Variants in CSMD3 observed in about 807,000 individuals in gnomAD.
CSMD3 encodes CUB and Sushi multiple domains 3.
CSMD3 carries 177 observed loss-of-function variants against 435.2 expected under a neutral mutation model. The observed-to-expected ratio is 0.41, with a 90% CI of 0.36 to 0.46. The LOEUF (loss-of-function observed/expected upper bound fraction) is 0.46, where lower values mean the gene tolerates loss of function less well. CSMD3 is among the 20% of genes least tolerant of loss of function. The probability of loss-of-function intolerance (pLI) is 0.34; values close to 1 mark genes in which losing one functional copy is unlikely to be tolerated. For synonymous variants in CSMD3, 1,656 were observed against 1,520.5 expected (o/e 1.09, Z -2.07); for missense variants, 4,265 against 4,504.6 (o/e 0.95, Z 1.52).
chr8:113,314,004 T>G (rs999392802), intron 2 of CSMD3: 1 of 152,134 alleles, frequency 6.6e-6, no homozygotes, highest in Admixed American at 6.5e-5. Context: ...TAGTTAATTT[T>G]TACATCTGTT....
At position 113,119,479 on chromosome 8, in the gene CSMD3, C is replaced by T. The variant is rs574693695; in HGVS notation, c.710-20516G>A. ...AGCCATCTAAGAGAATAGCCTTAAT[C>T]GGTGAACACACTGCAGTTTGAGATG... On this transcript the variant is annotated intron_variant, in intron 4 of 70. Coordinates refer to ENST00000297405, the MANE Select transcript of CSMD3 (RefSeq NM_198123.2). Among the ~76,000 whole-genome samples the T allele has an allele frequency of 7.2e-5, 11 of 152,118 alleles. No homozygotes were observed. In the East Asian group the frequency reaches 1.6e-3, roughly 21 times the overall value.
chr8:113,018,794 G>C (rs941206964), intron 6 of CSMD3: 1 of 419,820 alleles, frequency 2.4e-6, no homozygotes, highest in Admixed American at 3.9e-5. Context: ...AATTGCTGAA[G>C]CACTTTATTA....
chr8:112,460,341 A>G (rs1308569418), intron 32 of CSMD3, among the ~76,000 whole-genome samples: 1 of 152,002 alleles, frequency 6.6e-6, no homozygotes, highest in Non-Finnish European at 1.5e-5. Context: ...ACATTTCTAC[A>G]AATTTAGAGA....
At chr8:112,516,871 A>G (rs550959502) in intron 28 of CSMD3, among the ~76,000 whole-genome samples, 163 bp downstream of exon 28, 8 of 152,320 alleles carry the variant, frequency 5.3e-5, no homozygotes, top group African/African-American at 1.9e-4. Context: ...TGGAAAAATA[A>G]TAATCATTTT....
intron 1 of CSMD3, among the ~76,000 whole-genome samples, chr8:113,408,074 T>C (rs2129732206): frequency 6.6e-6 from 1 of 152,292 alleles, no homozygotes; most frequent in South Asian, 2.1e-4. Context: ...TAACCACCTG[T>C]CTTTAGAAAT....
At chr8:112,711,788 T>C (rs2076615042) in intron 13 of CSMD3, among the ~76,000 whole-genome samples, 2 of 152,118 alleles carry the variant, frequency 1.3e-5, no homozygotes, top group Non-Finnish European at 2.9e-5. Flanking sequence ...CAGTCTTGCT[T>C]TGTCACTCAG....
intron 23 of CSMD3, 115 bp from the exon 24 acceptor site, chr8:112,573,772 A>C: frequency 1.3e-6 from 1 of 793,076 alleles, no homozygotes; most frequent in Non-Finnish European, 2.0e-6. Context: ...AGATCAGTAC[A>C]TTTCCAAAGG....
At chr8:112,976,191 A>G (rs2084841785) in intron 6 of CSMD3, 43 bp from the exon 7 acceptor site, 2 of 1,601,700 alleles carry the variant, frequency 1.2e-6, no homozygotes, top group African/African-American at 2.7e-5. Flanking sequence ...TTTCTTTTTA[A>G]ATTTTGTTTA....
rs1353597544 is a variant in CSMD3 at position 112,492,695 on chromosome 8, T to A, written c.5084-12A>T. 1 of 1,608,974 alleles carries A rather than the reference T, an allele frequency of 6.2e-7. No homozygotes were observed. Among genetic ancestry groups the A allele is most frequent in the Admixed American group, 1.7e-5 (1 of 60,002 alleles). ...CTCTCGCAGTTTTGCTGTAAAACAG[T>A]GTTAGTATAACATTAATTGCTTTAA... is the stretch of plus-strand genomic sequence containing the variant. On this transcript the variant is annotated splice_polypyrimidine_tract_variant and intron_variant, in intron 30 of 70. Transcript: ENST00000297405.
intron 41 of CSMD3, among the ~76,000 whole-genome samples, chr8:112,343,003 A>ATATATATATT: frequency 8.3e-6 from 1 of 120,876 alleles, no homozygotes; most frequent in African/African-American, 2.9e-5. Flanking sequence ...ATATATATTT[A>ATATATATATT]TATATATATA....
intron 1 of CSMD3, among the ~76,000 whole-genome samples, chr8:113,350,895 C>T (rs2132910344): frequency 6.6e-6 from 1 of 152,142 alleles, no homozygotes; most frequent in Admixed American, 6.6e-5. Context: ...GTCTCTATGC[C>T]TTTACAACTG....
chr8:113,080,947 T>A (rs1317729694), intron 5 of CSMD3, among the ~76,000 whole-genome samples: 2 of 152,206 alleles, frequency 1.3e-5, no homozygotes, highest in Non-Finnish European at 2.9e-5. Flanking sequence ...CTCTGTTAGA[T>A]AGAATTGGAA....
chr8:112,981,455 T>A (rs1042991228), intron 6 of CSMD3, among the ~76,000 whole-genome samples: 15 of 151,658 alleles, frequency 9.9e-5, no homozygotes, highest in African/African-American at 3.4e-4. Context: ...TATTTTTATG[T>A]TATATATTTT....
rs62516510 is a variant in CSMD3, at chr8:112,568,456, A to G, written c.4042+5045T>C. The stretch of plus-strand genomic sequence containing the variant: ...AAAAATACAAAAAAATTAGCCAGGC[A>G]TGGTGGTGGGCGCCTGTAATCCTAG... On this transcript the variant is annotated intron_variant, in intron 24 of 70. Coordinates refer to ENST00000297405, the MANE Select transcript of CSMD3 (RefSeq NM_198123.2). 2.6e-5 allele frequency among the ~76,000 whole-genome samples: 4 copies of G among 151,710 alleles called. No homozygotes were observed. The East Asian group carries it at 7.9e-4, about 30-fold the overall frequency.
At chr8:112,953,420 T>TC (rs2083898667) in intron 8 of CSMD3, among the ~76,000 whole-genome samples, 1 of 151,428 alleles carries the variant, frequency 6.6e-6, no homozygotes, top group African/African-American at 2.4e-5. Context: ...ACTAACAGTA[T>TC]CAATCTTGAA....
At chr8:112,964,839 T>C (rs547685012) in intron 7 of CSMD3, among the ~76,000 whole-genome samples, 112 of 152,114 alleles carry the variant, frequency 7.4e-4, no homozygotes, top group African/African-American at 2.6e-3. Context: ...GTCCATGCTT[T>C]AGAATACAAA....
At chr8:113,160,363 G>A (rs1337370505) in intron 4 of CSMD3, among the ~76,000 whole-genome samples, 1 of 151,862 alleles carries the variant, frequency 6.6e-6, no homozygotes, top group Non-Finnish European at 1.5e-5. Flanking sequence ...TACAAGAGTG[G>A]AAATGATGGT....
At chr8:113,040,923 G>A (rs2087580615) in intron 5 of CSMD3, among the ~76,000 whole-genome samples, 1 of 152,052 alleles carries the variant, frequency 6.6e-6, no homozygotes, top group African/African-American at 2.4e-5. Context: ...AAAAGGTGGG[G>A]CCAGAAGCGG....
chr8:113,355,277 C>A (rs987171076), intron 1 of CSMD3, among the ~76,000 whole-genome samples: 1 of 151,796 alleles, frequency 6.6e-6, no homozygotes, highest in Non-Finnish European at 1.5e-5. Context: ...ATAACACACA[C>A]ACACATATAT....
Sources: gnomAD v4.1 joint callset for allele counts (sites outside exome capture counted in the v4.1 genomes callset) on GRCh38, gnomAD v4.1.1 for gene constraint, MANE v1.5 for transcripts, NCBI Gene and HGNC (gene_info 2026-07-23, HGNC 2026-07-21) for gene names.